Variants in HDAC9 observed in about 807,000 individuals in gnomAD.
The protein encoded by HDAC9 is MEF-2 interacting transcription repressor (MITR) protein.
In HDAC9, 41 loss-of-function variants were observed where a neutral mutation model predicts 139.4. The ratio of observed to expected loss-of-function variants is 0.29; its 90% CI spans 0.23 to 0.38. The LOEUF (loss-of-function observed/expected upper bound fraction) is 0.38. HDAC9 is among the 10% of genes least tolerant of loss of function. The pLI, the probability that HDAC9 is intolerant of heterozygous loss-of-function variation, is 1.00. For synonymous variants in HDAC9, 517 were observed against 476.2 expected (o/e 1.09, Z -1.12); for missense variants, 1,147 against 1,297.0 (o/e 0.88, Z 1.78).
chr7:18,783,454 A>G (rs1335722608), intron 16 of HDAC9, among the ~76,000 whole-genome samples: 3 of 152,152 alleles, frequency 2.0e-5, no homozygotes, highest in Non-Finnish European at 2.9e-5. Flanking sequence ...CAAAAGACAT[A>G]GAACATAAAA....
chr7:18,786,454 T>TTCC (rs1791727704), intron 16 of HDAC9, among the ~76,000 whole-genome samples: 1 of 52,204 alleles, frequency 1.9e-5, no homozygotes, highest in African/African-American at 4.4e-5. Context: ...CCCATCGCCC[T>TTCC]TTCCTTCCTT....
Position 18,960,203 on chromosome 7 carries a change from T to C in HDAC9, c.3022+5973T>C, listed in dbSNP as rs141928278. ...ATAATCAGTTATCTCCATGGTTCCA[T>C]ACCAGCAATGCACAGAGCACACTCT... On this transcript the variant is annotated intron_variant, in intron 24 of 25. Transcript: ENST00000686413. Among the ~76,000 whole-genome samples the C allele has an allele frequency of 2.9e-3, 446 of 152,276 alleles. 4 individuals carry two copies. The highest frequency in any genetic ancestry group is 6.8e-3 in the Middle Eastern group (2 of 294).
At chr7:18,391,905 A>G (rs532179150) in intron 1 of HDAC9, among the ~76,000 whole-genome samples, 11 of 152,352 alleles carry the variant, frequency 7.2e-5, no homozygotes, top group African/African-American at 2.6e-4. Context: ...CCTGGTATGT[A>G]GTAAGCATTG....
At chr7:18,864,065 C>CAT (rs1798306323) in intron 21 of HDAC9, among the ~76,000 whole-genome samples, 1 of 152,168 alleles carries the variant, frequency 6.6e-6, no homozygotes, top group African/African-American at 2.4e-5. Flanking sequence ...TACATAGTAA[C>CAT]TGCACCATTT....
chr7:18,797,942 T>C (rs1396240865), intron 17 of HDAC9, among the ~76,000 whole-genome samples: 2 of 152,096 alleles, frequency 1.3e-5, no homozygotes, highest in Non-Finnish European at 1.5e-5. Flanking sequence ...CCCTAAAAGG[T>C]ATATTATGAG....
chr7:18,240,702 GA>G (rs1179830514), intron 2 of HDAC9, among the ~76,000 whole-genome samples: 2 of 152,028 alleles, frequency 1.3e-5, no homozygotes, highest in African/African-American at 2.4e-5. Flanking sequence ...ACAAAATCTA[GA>G]AAAGTCATCC....
At chr7:18,451,099 T>A (rs554168764) in intron 1 of HDAC9, among the ~76,000 whole-genome samples, 8 of 152,126 alleles carry the variant, frequency 5.3e-5, no homozygotes, top group Non-Finnish European at 1.0e-4. Flanking sequence ...TAGGTCAGAA[T>A]GGCCTTGCCC....
chr7:18,408,274 T>G (rs1344265150), intron 1 of HDAC9, among the ~76,000 whole-genome samples: 1 of 152,198 alleles, frequency 6.6e-6, no homozygotes, highest in African/African-American at 2.4e-5. Context: ...AAAATTATTG[T>G]TTCTACAATA....
chr7:18,396,179 A>G (rs1434755251), intron 1 of HDAC9, among the ~76,000 whole-genome samples: 3 of 132,704 alleles, frequency 2.3e-5, no homozygotes, highest in Non-Finnish European at 3.1e-5. Flanking sequence ...TTCTTCTACA[A>G]ATATTTACCG....
chr7:18,808,558 G>A (rs1793918308), intron 17 of HDAC9, among the ~76,000 whole-genome samples: 1 of 151,804 alleles, frequency 6.6e-6, no homozygotes, highest in Admixed American at 6.6e-5. Flanking sequence ...ACTTACAATA[G>A]CTACAGAAAA....
At chr7:18,944,806 A>G (rs531416488) in intron 23 of HDAC9, among the ~76,000 whole-genome samples, 1 of 152,314 alleles carries the variant, frequency 6.6e-6, no homozygotes, top group East Asian at 1.9e-4. Context: ...CATACAATAT[A>G]TAATTCTTAC....
At chr7:18,901,689 A>T (rs879677929) in intron 22 of HDAC9, among the ~76,000 whole-genome samples, 3 of 152,132 alleles carry the variant, frequency 2.0e-5, no homozygotes, top group Non-Finnish European at 4.4e-5. Flanking sequence ...ATCTCAACCC[A>T]CTTGGTTCGT....
intron 1 of HDAC9, among the ~76,000 whole-genome samples, chr7:18,346,270 A>G (rs775428876): frequency 1.3e-5 from 2 of 152,160 alleles, no homozygotes; most frequent in Non-Finnish European, 2.9e-5. Context: ...TGATGGCTTG[A>G]TGTTGCAGAT....
In HDAC9 at chr7:18,680,895, A is replaced by G. The variant is rs1292661968; in HGVS notation, c.1731+14419A>G. On this transcript the variant is annotated intron_variant, in intron 12 of 25. Transcript: ENST00000686413. ...ACTGTTTGTTTAACCAAATCTTTGC[A>G]TTTTTACCATTTGGCTTTGATTTTG... Among the ~76,000 whole-genome samples, 4 of 152,074 alleles carry G rather than the reference A, an allele frequency of 2.6e-5. No homozygotes were observed. The East Asian group carries it at 7.8e-4, about 30-fold the overall frequency.
At chr7:18,399,291 C>A (rs1023405607) in intron 1 of HDAC9, among the ~76,000 whole-genome samples, 1 of 152,100 alleles carries the variant, frequency 6.6e-6, no homozygotes, top group Admixed American at 6.6e-5. Flanking sequence ...AAAACCCACC[C>A]TTCTGTACCA....
intron 21 of HDAC9, among the ~76,000 whole-genome samples, chr7:18,864,948 T>C (rs1798381557): frequency 6.6e-6 from 1 of 152,188 alleles, no homozygotes; most frequent in South Asian, 2.1e-4. Flanking sequence ...AATAAAACTT[T>C]TAGTTGTTAA....
intron 2 of HDAC9, among the ~76,000 whole-genome samples, chr7:18,526,199 T>C (rs1052563406): frequency 1.3e-5 from 2 of 152,192 alleles, no homozygotes; most frequent in Non-Finnish European, 2.9e-5. Context: ...GTTGGAATTG[T>C]ATAGCAATAT....
chr7:18,777,603 A>T (rs1790887884), intron 16 of HDAC9, among the ~76,000 whole-genome samples: 1 of 152,022 alleles, frequency 6.6e-6, no homozygotes. Flanking sequence ...TACTATTGAC[A>T]ATCAGTTTCT....
At chr7:18,159,098 T>C (rs1231967485) in intron 1 of HDAC9, among the ~76,000 whole-genome samples, 1 of 152,198 alleles carries the variant, frequency 6.6e-6, no homozygotes, top group Non-Finnish European at 1.5e-5. Flanking sequence ...GCAGTTGTTT[T>C]TGCTGCACTT....
Sources: allele counts gnomAD v4.1 joint callset (sites outside exome capture counted in the v4.1 genomes callset), GRCh38; gene constraint gnomAD v4.1.1; transcripts MANE v1.5; gene names NCBI Gene and HGNC (gene_info 2026-07-23, HGNC 2026-07-21).